CACNA1C: variants seen among roughly 807,000 people sequenced by gnomAD.
CACNA1C encodes voltage-dependent L-type calcium channel subunit alpha-1C.
Under a neutral mutation model 229.0 loss-of-function variants are expected in CACNA1C, and 30 were observed. The ratio of observed to expected loss-of-function variants is 0.13; its 90% CI spans 0.10 to 0.18. The LOEUF (loss-of-function observed/expected upper bound fraction) is 0.18, where lower values mean the gene tolerates loss of function less well. Ranked by LOEUF, CACNA1C falls within the 10% of genes least tolerant of loss-of-function variation. The pLI, the probability that CACNA1C is intolerant of heterozygous loss-of-function variation, is 1.00. For missense variants in CACNA1C, 1,658 were observed against 2,845.0 expected (o/e 0.58, Z 9.49); for synonymous variants, 1,114 against 1,132.5 (o/e 0.98, Z 0.33).
intron 3 of CACNA1C, among the ~76,000 whole-genome samples, chr12:2,421,120 T>G (rs1372633405): frequency 2.6e-4 from 39 of 152,166 alleles, no homozygotes; most frequent in Non-Finnish European, 2.9e-5. Flanking sequence ...TTCTCATACT[T>G]CCAACCCAAA....
Position 2,475,322 on chromosome 12 carries a change from AAAG to A in CACNA1C, c.758-10778_758-10776del, listed in dbSNP as rs558322653. On this transcript the variant is annotated intron_variant, in intron 5 of 46. Coordinates refer to ENST00000399655, the MANE Select transcript of CACNA1C (RefSeq NM_000719.7). ...TCAAAAAAAAAAAGAAAAGAAAAGA[AAAG>A]AAGGTTTCATTCATGATACCAAATA... 5.9e-5 allele frequency among the ~76,000 whole-genome samples: 9 copies of A among 152,228 alleles called. No individual in the cohort carries two copies. The East Asian group carries it at 1.7e-3, about 29-fold the overall frequency.
At chr12:2,480,125 C>G (rs554262767) in intron 5 of CACNA1C, among the ~76,000 whole-genome samples, 13 of 152,312 alleles carry the variant, frequency 8.5e-5, no homozygotes, top group African/African-American at 3.1e-4. Context: ...ATTTCACACA[C>G]AAGCAACAAA....
At chr12:2,594,010 A>G (rs910735770) in intron 19 of CACNA1C, among the ~76,000 whole-genome samples, 3 of 152,184 alleles carry the variant, frequency 2.0e-5, no homozygotes, top group African/African-American at 4.8e-5. Context: ...TAGACAGACA[A>G]TTTTTGTCCT....
At chr12:2,448,834 T>C (rs2099326227) in intron 3 of CACNA1C, 142 bp from the exon 4 acceptor site, 1 of 605,276 alleles carries the variant, frequency 1.7e-6, no homozygotes, top group African/African-American at 1.9e-5. Flanking sequence ...AGTTGCTAAT[T>C]TGGCCTGGGT....
intron 1 of CACNA1C, among the ~76,000 whole-genome samples, chr12:1,983,821 A>C (rs1357858093): frequency 2.6e-5 from 4 of 151,886 alleles, no homozygotes; most frequent in Non-Finnish European, 5.9e-5. Context: ...GGAGCACTAA[A>C]TTCTCCAAGT....
chr12:2,471,260 T>C (rs916699345), intron 5 of CACNA1C, among the ~76,000 whole-genome samples: 1 of 152,258 alleles, frequency 6.6e-6, no homozygotes, highest in Non-Finnish European at 1.5e-5. Flanking sequence ...CCCCTTGTCC[T>C]GTGTGATTAC....
intron 3 of CACNA1C, among the ~76,000 whole-genome samples, chr12:2,281,858 T>C (rs1261003487): frequency 6.6e-6 from 1 of 152,202 alleles, no homozygotes; most frequent in Non-Finnish European, 1.5e-5. Context: ...GGCTATTATT[T>C]ATAATTTTTT....
rs1243627964 is a variant in CACNA1C at position 2,071,166 on chromosome 12, C to G, written c.49+17555C>G. ...CCTCCCTCCCTCCCTCCCTCCCTCC[C>G]TCCCTCCCTGCCTGCCTGCCTGCCT... is the stretch of plus-strand genomic sequence containing the variant. On this transcript the variant is annotated intron_variant, in intron 1 of 46. Coordinates refer to ENST00000399655, the MANE Select transcript of CACNA1C (RefSeq NM_000719.7). Among the ~76,000 whole-genome samples, 2 of 92,484 alleles carry G rather than the reference C, an allele frequency of 2.2e-5. 1 individual carries two copies. Among genetic ancestry groups the G allele is most frequent in the Non-Finnish European group, 4.4e-5 (2 of 45,290 alleles). The allele number at this position is 92,484 out of a possible 152,430, so 60.7% of individuals were successfully genotyped here. A position where few individuals can be genotyped will look rare whatever the true frequency, so the allele number is the denominator to read the frequency against.
rs1419420936 is a variant in CACNA1C, at chr12:2,689,988, CT to C, written c.6118-910del. 6.6e-6 allele frequency: 1 copy of C among 152,312 alleles called. No individual in the cohort carries two copies. The highest frequency in any genetic ancestry group is 1.9e-4 in the East Asian group (1 of 5,182). The allele number at this position is 152,312 out of a possible 1,614,324, so 9.4% of individuals were successfully genotyped here. On this transcript the variant is annotated intron_variant, in intron 46 of 46. Transcript: ENST00000399655. The surrounding 1 kb of genome is among the most constrained non-coding windows in gnomAD (Gnocchi z 4.2). ...GGAGCGAGTGCCAGGCTGCACTCAG[CT>C]TCCCCCGACCCGCTGGCTCAGGAGC...
At chr12:2,214,232 T>A (rs1458349179) in intron 3 of CACNA1C, among the ~76,000 whole-genome samples, 2 of 152,160 alleles carry the variant, frequency 1.3e-5, no homozygotes, top group Admixed American at 1.3e-4. Context: ...GTCCTTAAGT[T>A]GGCGCTGCTG....
intron 7 of CACNA1C, among the ~76,000 whole-genome samples, chr12:2,501,935 A>G (rs780551128): frequency 2.6e-5 from 4 of 152,202 alleles, no homozygotes; most frequent in Non-Finnish European, 5.9e-5. Context: ...CATAGGCTCT[A>G]TTTTTAACAA....
Position 2,493,225 on chromosome 12 carries a change from C to A in CACNA1C, c.952C>A (p.Leu318Met). 6.2e-7 allele frequency: 1 copy of A among 1,614,026 alleles called. No homozygotes were observed. Among genetic ancestry groups the A allele is most frequent in the Non-Finnish European group, 8.5e-7 (1 of 1,179,874 alleles). Residue 318 changes from leucine to methionine, a missense_variant, in exon 7 of 47, where the codon CTG (leucine) becomes ATG (methionine). This residue lies in a region of CACNA1C where 84 missense variants were observed against 202.6 expected (regional missense o/e 0.41). Coordinates refer to ENST00000399655, the MANE Select transcript of CACNA1C (RefSeq NM_000719.7). The surrounding 1 kb of genome is among the most constrained non-coding windows in gnomAD (Gnocchi z 4.6). ...PAEDDPSPCA[L>M]ETGHGRQCQN... is the part of the protein sequence containing the mutation. ...AGAAGATGACCCTTCCCCTTGTGCG[C>A]TGGAAACGGGCCACGGGCGGCAGTG...
In CACNA1C at chr12:2,005,618, T is replaced by A. The variant is rs116372845; in HGVS notation, c.139+34417T>A. On this transcript the variant is annotated intron_variant, in intron 1 of 46. Coordinates refer to the CACNA1C transcript ENST00000682462. ...GACATCTCAGTACTTAATGTTTTTT[T>A]TTCTGATGAGATCAGTGATGATATT... Among the ~76,000 whole-genome samples, 468 of 152,368 alleles carry A rather than the reference T, an allele frequency of 3.1e-3. 4 individuals are homozygous for A. The highest frequency in any genetic ancestry group is 0.016 in the South Asian group (76 of 4,830).
intron 3 of CACNA1C, among the ~76,000 whole-genome samples, chr12:2,200,132 A>G (rs1443467385): frequency 6.6e-6 from 1 of 152,210 alleles, no homozygotes; most frequent in Non-Finnish European, 1.5e-5. Flanking sequence ...GGATGAATGA[A>G]TGGATGGACC....
Position 2,115,380 on chromosome 12 carries a change from G to A in CACNA1C, c.206G>A (p.Gly69Asp). The A allele has an allele frequency of 1.2e-6, 2 of 1,608,092 alleles. No individual in the cohort carries two copies. Among genetic ancestry groups the A allele is most frequent in the Non-Finnish European group, 1.7e-6 (2 of 1,178,656 alleles). Reference protein sequence around the residue: ...ARQAKLMGSAGNATISTVSST... With the variant: ...ARQAKLMGSADNATISTVSST... Reference sequence around the variant, plus strand: ...CAGGCTAAGCTGATGGGCAGCGCTGGCAATGCGACCATCTCCACAGTCAGC... The same window carrying A: ...CAGGCTAAGCTGATGGGCAGCGCTGACAATGCGACCATCTCCACAGTCAGC... The change falls in exon 2 of 47, where the codon GGC (glycine) becomes GAC (aspartate). Residue 69 changes from glycine to aspartate, a missense_variant. Physicochemically the swap from Gly to Asp is moderately conservative, Grantham distance 94. Transcript: ENST00000399655.
chr12:2,059,293 A>G (rs1012871814), intron 1 of CACNA1C, among the ~76,000 whole-genome samples: 1 of 152,056 alleles, frequency 6.6e-6, no homozygotes, highest in Non-Finnish European at 1.5e-5. Context: ...TTGGGGAACA[A>G]GGTCATCAGG....
At chr12:2,267,753 G>C (rs1601477812) in intron 3 of CACNA1C, among the ~76,000 whole-genome samples, 1 of 152,312 alleles carries the variant, frequency 6.6e-6, no homozygotes, top group East Asian at 1.9e-4. Flanking sequence ...TCTCTGAGCA[G>C]GGGGGTTGGA....
At chr12:2,337,568 A>C (rs1407797172) in intron 3 of CACNA1C, among the ~76,000 whole-genome samples, 1 of 152,226 alleles carries the variant, frequency 6.6e-6, no homozygotes, top group East Asian at 1.9e-4. Context: ...GTATTTGGTG[A>C]AATGTTTGGA....
chr12:2,300,027 G>A (rs1014225917), intron 3 of CACNA1C, among the ~76,000 whole-genome samples: 1 of 152,224 alleles, frequency 6.6e-6, no homozygotes, highest in Non-Finnish European at 1.5e-5. Flanking sequence ...CACACTGTAA[G>A]AGCAATTTCT....
Sources: allele counts gnomAD v4.1 joint callset (sites outside exome capture counted in the v4.1 genomes callset), GRCh38; gene constraint gnomAD v4.1.1; regional missense constraint gnomAD v4.1.1; non-coding constraint Gnocchi (gnomAD v3.1); transcripts MANE v1.5; gene names NCBI Gene and HGNC (gene_info 2026-07-23, HGNC 2026-07-21).